MALRD1: variants seen among roughly 807,000 people sequenced by gnomAD.
MALRD1 encodes the protein MAM and LDL-receptor class A domain-containing protein 1.
MALRD1 carries 247 observed loss-of-function variants against 242.1 expected under a neutral mutation model. The observed-to-expected ratio is 1.02, with a 90% CI of 0.92 to 1.13. The LOEUF (loss-of-function observed/expected upper bound fraction) is 1.13, where lower values mean the gene tolerates loss of function less well. Ranked by LOEUF, MALRD1 falls within the 50% of genes most tolerant of loss-of-function variation. MALRD1 has a pLI of 0.00. For synonymous variants in MALRD1, 995 were observed against 866.6 expected (o/e 1.15, Z -2.60); for missense variants, 2,989 against 2,533.1 (o/e 1.18, Z -3.86).
chr10:19,482,652 T>TACACACACACACACACAC lies in MALRD1; in HGVS notation c.5030-8843_5030-8826dup, dbSNP rs144094060. 2.1e-3 allele frequency among the ~76,000 whole-genome samples: 280 copies of TACACACACACACACACAC among 136,420 alleles called. 1 individual carries two copies. The highest frequency in any genetic ancestry group is 0.014 in the East Asian group (61 of 4,442). The allele number at this position is 136,420 out of a possible 152,430, so 89.5% of individuals were successfully genotyped here. A position where few individuals can be genotyped will look rare whatever the true frequency, so the allele number is the denominator to read the frequency against. ...AGAGCACAATCCCATTTACAATAGC[T>TACACACACACACACACAC]ACACACACACACACACACACACACA... On this transcript the variant is annotated intron_variant, in intron 29 of 39. Transcript: ENST00000454679.
chr10:19,303,483 A>G (rs988406432), intron 21 of MALRD1, among the ~76,000 whole-genome samples: 2 of 151,760 alleles, frequency 1.3e-5, no homozygotes, highest in East Asian at 1.9e-4. Context: ...GAAAATGAAT[A>G]GACAAAACAG....
chr10:19,486,035 C>A (rs1160111786), intron 29 of MALRD1, among the ~76,000 whole-genome samples: 1 of 151,606 alleles, frequency 6.6e-6, no homozygotes, highest in Non-Finnish European at 1.5e-5. Flanking sequence ...AGTATTTAAC[C>A]TAGTTACAAA....
chr10:19,289,976 C>T (rs2496062), intron 21 of MALRD1, among the ~76,000 whole-genome samples: 2 of 151,744 alleles, frequency 1.3e-5, no homozygotes, highest in Non-Finnish European at 2.9e-5. Flanking sequence ...GAGAAAAAAA[C>T]CCACAATAAT....
chr10:19,560,302 A>T (rs772608014), intron 32 of MALRD1, among the ~76,000 whole-genome samples: 6 of 152,110 alleles, frequency 3.9e-5, no homozygotes, highest in Non-Finnish European at 5.9e-5. Flanking sequence ...CACTGTCTCT[A>T]CTAAAAATAC....
intron 14 of MALRD1, among the ~76,000 whole-genome samples, chr10:19,201,209 G>A (rs1836522446): frequency 6.6e-6 from 1 of 151,892 alleles, no homozygotes; most frequent in Non-Finnish European, 1.5e-5. Context: ...TCAATTAATG[G>A]CTAACTAGAA....
At chr10:19,675,098 A>G (rs1359583691) in intron 36 of MALRD1, among the ~76,000 whole-genome samples, 1 of 152,126 alleles carries the variant, frequency 6.6e-6, no homozygotes, top group Non-Finnish European at 1.5e-5. Context: ...TTTCTACTGT[A>G]CTGTAATAAT....
intron 2 of MALRD1, among the ~76,000 whole-genome samples, chr10:19,069,979 A>G (rs11817679): frequency 0.15 from 22,837 of 152,010 alleles, 2,594 homozygotes; most frequent in East Asian, 0.31. Flanking sequence ...TTTGTATTTC[A>G]ATCATCAGTG....
chr10:19,317,018 T>C (rs1477744176), intron 21 of MALRD1, among the ~76,000 whole-genome samples: 2 of 151,316 alleles, frequency 1.3e-5, no homozygotes, highest in Admixed American at 1.3e-4. Flanking sequence ...AAATATCTCA[T>C]GTGCCCGTAA....
chr10:19,220,292 G>T (rs1837501886), intron 18 of MALRD1, among the ~76,000 whole-genome samples: 1 of 152,016 alleles, frequency 6.6e-6, no homozygotes, highest in Admixed American at 6.6e-5. Flanking sequence ...ATTCCAAGAG[G>T]GAAAGACCTT....
Position 19,216,674 on chromosome 10 carries a change from G to A in MALRD1, c.2991+6994G>A, listed in dbSNP as rs138209078. 9.8e-3 allele frequency among the ~76,000 whole-genome samples: 1,475 copies of A among 150,430 alleles called. 28 individuals are homozygous for A. The highest frequency in any genetic ancestry group is 0.034 in the African/African-American group (1,379 of 40,990). ...AGATGTGGAGAGGCCAGCTGGGTGC[G>A]GTGGCTCACGCCTGTAATCCCAGCA... is the stretch of plus-strand genomic sequence containing the variant. On this transcript the variant is annotated intron_variant, in intron 18 of 39. Transcript: ENST00000454679.
chr10:19,499,249 C>T (rs1336080835), intron 31 of MALRD1, among the ~76,000 whole-genome samples: 1 of 152,056 alleles, frequency 6.6e-6, no homozygotes, highest in South Asian at 2.1e-4. Flanking sequence ...ACAAAAAAGT[C>T]CTACTGACTC....
chr10:19,239,301 C>T (rs1564493801), intron 18 of MALRD1, among the ~76,000 whole-genome samples: 1 of 152,040 alleles, frequency 6.6e-6, no homozygotes. Context: ...CTCAGGCAAT[C>T]CACCCGCCTC....
chr10:19,650,251 G>C (rs1041863157), intron 36 of MALRD1, among the ~76,000 whole-genome samples: 1 of 152,082 alleles, frequency 6.6e-6, no homozygotes, highest in Non-Finnish European at 1.5e-5. Context: ...GAAGCAAAAA[G>C]GAATTGTCCA....
chr10:19,673,683 T>C lies in MALRD1; in HGVS notation c.6138-18599T>C, dbSNP rs547816546. 1.6e-4 allele frequency among the ~76,000 whole-genome samples: 24 copies of C among 152,288 alleles called. 1 individual carries two copies. The South Asian group carries it at 4.6e-3, about 29-fold the overall frequency. On this transcript the variant is annotated intron_variant, in intron 36 of 39. Coordinates refer to ENST00000454679, the MANE Select transcript of MALRD1 (RefSeq NM_001142308.3). ...AGAACAAACAGCCAAATAGCCTAGATTGAAGCATGTGGTAAGAATTTTTCA... is the reference window on the plus strand; with the variant it reads ...AGAACAAACAGCCAAATAGCCTAGACTGAAGCATGTGGTAAGAATTTTTCA...
intron 28 of MALRD1, among the ~76,000 whole-genome samples, chr10:19,394,871 G>C (rs1846511419): frequency 6.6e-6 from 1 of 151,954 alleles, no homozygotes; most frequent in African/African-American, 2.4e-5. Context: ...TTCAAAGTTA[G>C]GTTTATTTTG....
chr10:19,306,354 ATATATAGTGTCGTATATATACCGTG>A (rs1842199878), intron 21 of MALRD1, among the ~76,000 whole-genome samples: 4 of 136,688 alleles, frequency 2.9e-5, no homozygotes, highest in Admixed American at 8.0e-5. Flanking sequence ...CATATATAGT[ATATATAGTGTCGTATATATACCGTG>A]TATAGTATAT....
intron 18 of MALRD1, among the ~76,000 whole-genome samples, chr10:19,232,199 G>A (rs531748624): frequency 2.6e-5 from 4 of 151,862 alleles, no homozygotes; most frequent in Non-Finnish European, 4.4e-5. Context: ...GAATTTTTTT[G>A]TTTGTTGTTT....
chr10:19,459,732 C>T (rs1835839117), intron 29 of MALRD1, among the ~76,000 whole-genome samples: 1 of 151,592 alleles, frequency 6.6e-6, no homozygotes, highest in African/African-American at 2.4e-5. Context: ...AGAGAATTAG[C>T]ATCTGAATGT....
chr10:19,476,634 T>C (rs7922998), intron 29 of MALRD1, among the ~76,000 whole-genome samples: 131,178 of 152,200 alleles, frequency 0.86, 56,696 homozygotes, highest in East Asian at 1. Context: ...GGATTTGAGG[T>C]ATTTGTATGT....
Sources: gnomAD v4.1 joint callset for allele counts (sites outside exome capture counted in the v4.1 genomes callset) on GRCh38, gnomAD v4.1.1 for gene constraint, MANE v1.5 for transcripts, NCBI Gene and HGNC (gene_info 2026-07-23, HGNC 2026-07-21) for gene names.